PCDH9: variants seen among roughly 807,000 people sequenced by gnomAD.
PCDH9 encodes the protein protocadherin-9.
In PCDH9, 24 loss-of-function variants were observed where a neutral mutation model predicts 70.6. That is an observed-to-expected ratio of 0.34 (90% CI 0.25 to 0.48). The LOEUF (loss-of-function observed/expected upper bound fraction) is 0.48, where lower values mean the gene tolerates loss of function less well. Ranked by LOEUF, PCDH9 falls within the 20% of genes least tolerant of loss-of-function variation. The pLI is 0.99. For missense variants in PCDH9, 1,281 were observed against 1,503.6 expected, an observed-to-expected ratio of 0.85 and a Z score of 2.45; for synonymous variants, 562 against 558.5, an observed-to-expected ratio of 1.01 and a Z score of -0.09.
At chr13:67,036,575 G>A (rs2085013614) in intron 2 of PCDH9, among the ~76,000 whole-genome samples, 1 of 152,146 alleles carries the variant, frequency 6.6e-6, no homozygotes, top group South Asian at 2.1e-4. Flanking sequence ...GTAGATAAAT[G>A]TCAACTTCAG....
chr13:66,606,298 C>T (rs540677032), intron 4 of PCDH9, among the ~76,000 whole-genome samples: 1 of 152,078 alleles, frequency 6.6e-6, no homozygotes, highest in Non-Finnish European at 1.5e-5. Context: ...ATAGTGAGTA[C>T]TTTTAACCGT....
intron 3 of PCDH9, among the ~76,000 whole-genome samples, chr13:66,802,621 A>C (rs2080345040): frequency 6.6e-6 from 1 of 152,130 alleles, no homozygotes; most frequent in African/African-American, 2.4e-5. Context: ...GTAAAGTTTA[A>C]AAGTTTGTTA....
At chr13:66,885,435 T>C (rs949193521) in intron 3 of PCDH9, among the ~76,000 whole-genome samples, 1 of 152,178 alleles carries the variant, frequency 6.6e-6, no homozygotes, top group African/African-American at 2.4e-5. Flanking sequence ...GTATGTTAAA[T>C]TGAAGATTAA....
intron 4 of PCDH9, among the ~76,000 whole-genome samples, chr13:66,616,455 T>C (rs1287625134): frequency 6.7e-6 from 1 of 149,406 alleles, no homozygotes; most frequent in African/African-American, 2.4e-5. Flanking sequence ...TTAAAACTTA[T>C]CATACATTCG....
intron 3 of PCDH9, among the ~76,000 whole-genome samples, chr13:66,834,442 C>A (rs927170828): frequency 6.6e-6 from 1 of 151,986 alleles, no homozygotes; most frequent in South Asian, 2.1e-4. Context: ...ACTCCCAGCC[C>A]CTGATGGTCT....
chr13:66,640,335 G>C (rs184102689), intron 3 of PCDH9, among the ~76,000 whole-genome samples: 12 of 152,230 alleles, frequency 7.9e-5, no homozygotes, highest in African/African-American at 2.4e-4. Context: ...TTTTACAAAA[G>C]AAGTAATGGG....
chr13:67,004,441 G>A (rs2139827035), intron 2 of PCDH9, among the ~76,000 whole-genome samples: 1 of 151,526 alleles, frequency 6.6e-6, no homozygotes, highest in South Asian at 2.1e-4. Context: ...CATGGTTGTG[G>A]GCACCTGTAG....
chr13:66,954,587 C>A (rs2083238013), intron 2 of PCDH9, among the ~76,000 whole-genome samples: 1 of 152,156 alleles, frequency 6.6e-6, no homozygotes, highest in Non-Finnish European at 1.5e-5. Context: ...TACTTGGGTT[C>A]CTTCCATAGC....
chr13:66,725,972 A>T (rs1380257896), intron 3 of PCDH9, among the ~76,000 whole-genome samples: 2 of 152,222 alleles, frequency 1.3e-5, no homozygotes, highest in East Asian at 1.9e-4. Flanking sequence ...TAGGTTTTGC[A>T]TTAAAAGTAA....
chr13:66,691,823 AGTC>A (rs2139085523), intron 3 of PCDH9, among the ~76,000 whole-genome samples: 1 of 152,358 alleles, frequency 6.6e-6, no homozygotes, highest in East Asian at 1.9e-4. Flanking sequence ...TTCATATTAT[AGTC>A]GTAATATTTG....
intron 4 of PCDH9, among the ~76,000 whole-genome samples, chr13:66,575,564 C>A (rs554308415): frequency 6.6e-6 from 1 of 152,174 alleles, no homozygotes; most frequent in African/African-American, 2.4e-5. Flanking sequence ...ACGCTCCAAA[C>A]ACATTGCATT....
At chr13:67,117,324 A>G (rs1406520431) in intron 2 of PCDH9, among the ~76,000 whole-genome samples, 1 of 152,178 alleles carries the variant, frequency 6.6e-6, no homozygotes, top group Non-Finnish European at 1.5e-5. Context: ...CTGCCAAAGA[A>G]AAGCACTATT....
At chr13:66,969,701 G>A (rs752772257) in intron 2 of PCDH9, among the ~76,000 whole-genome samples, 1 of 151,798 alleles carries the variant, frequency 6.6e-6, no homozygotes, top group Non-Finnish European at 1.5e-5. Flanking sequence ...TTAACCTAAA[G>A]CATCTAAAAT....
chr13:66,743,772 G>A (rs930999421), intron 3 of PCDH9, among the ~76,000 whole-genome samples: 3 of 151,738 alleles, frequency 2.0e-5, no homozygotes, highest in African/African-American at 4.8e-5. Flanking sequence ...AATTTTAGTC[G>A]TAAATGAAAA....
intron 4 of PCDH9, among the ~76,000 whole-genome samples, chr13:66,450,091 A>G (rs1958174227): frequency 6.6e-6 from 1 of 152,176 alleles, no homozygotes. Context: ...AGTATAAAGA[A>G]ACAGTGAAAA....
At chr13:66,858,120 T>C (rs2081424536) in intron 3 of PCDH9, among the ~76,000 whole-genome samples, 1 of 152,196 alleles carries the variant, frequency 6.6e-6, no homozygotes, top group African/African-American at 2.4e-5. Flanking sequence ...CACCTCTGCC[T>C]CTTCCCAAAG....
intron 3 of PCDH9, among the ~76,000 whole-genome samples, chr13:66,780,494 C>G (rs890877167): frequency 6.6e-6 from 1 of 152,086 alleles, no homozygotes; most frequent in African/African-American, 2.4e-5. Flanking sequence ...AGAAACAGGT[C>G]CATTCTCTCA....
At chr13:66,322,562 A>G (rs1330840018) in intron 4 of PCDH9, among the ~76,000 whole-genome samples, 2 of 152,038 alleles carry the variant, frequency 1.3e-5, no homozygotes, top group African/African-American at 4.8e-5. Flanking sequence ...CCTTCATATC[A>G]TTAGAGAATC....
At chr13:66,757,643 T>C (rs889834576) in intron 3 of PCDH9, among the ~76,000 whole-genome samples, 1 of 152,050 alleles carries the variant, frequency 6.6e-6, no homozygotes, top group Admixed American at 6.6e-5. Context: ...CAAACATATA[T>C]AAAACGTATG....
Sources: gnomAD v4.1 joint callset for allele counts (sites outside exome capture counted in the v4.1 genomes callset) on GRCh38, gnomAD v4.1.1 for gene constraint, MANE v1.5 for transcripts, NCBI Gene and HGNC (gene_info 2026-07-23, HGNC 2026-07-21) for gene names.